The following SERP2 variants were observed in gnomAD, a reference collection of about 807,000 sequenced individuals.
SERP2 encodes the protein stress associated endoplasmic reticulum protein family member 2.
In SERP2, 6 loss-of-function variants were observed where a neutral mutation model predicts 9.1. The ratio of observed to expected loss-of-function variants is 0.66; its 90% CI spans 0.36 to 1.30. SERP2 has a LOEUF of 1.30. Among genes scored for constraint, SERP2 ranks in the 50% most tolerant of loss-of-function variants. The pLI is 0.03. For synonymous variants in SERP2, 37 were observed against 27.3 expected, an observed-to-expected ratio of 1.35 and a Z score of -1.10; for missense variants, 58 against 81.9, an observed-to-expected ratio of 0.71 and a Z score of 1.13.
In SERP2 at chr13:44,397,677, G is replaced by A. The variant is rs9595113; in HGVS notation, c.*365G>A. ...ATGGATACAATCTCTCCTCCATTGA[G>A]AATTGATTTTACAAATAAATGTCTT... On this transcript the variant is annotated 3_prime_UTR_variant, in exon 3 of 3. Coordinates refer to ENST00000379179, the MANE Select transcript of SERP2 (RefSeq NM_001010897.3). The A allele has an allele frequency of 0.024, 7,104 of 292,236 alleles. 452 individuals are homozygous for A. The highest frequency in any genetic ancestry group is 0.14 in the African/African-American group (6,514 of 45,196). The allele number at this position is 292,236 out of a possible 1,614,324, so 18.1% of individuals were successfully genotyped here.
intron 2 of SERP2, among the ~76,000 whole-genome samples, chr13:44,384,411 G>A (rs1039381178): frequency 6.6e-6 from 1 of 152,132 alleles, no homozygotes; most frequent in South Asian, 2.1e-4. Context: ...CTTTGCTTTA[G>A]GTAATTAGCT....
intron 1 of SERP2, among the ~76,000 whole-genome samples, chr13:44,378,624 A>G (rs572462356): frequency 6.7e-6 from 1 of 149,432 alleles, no homozygotes; most frequent in East Asian, 1.9e-4. Flanking sequence ...AATGCAGCCT[A>G]TTTTTCAAGC....
Position 44,397,532 on chromosome 13 carries a change from T to A in SERP2, c.*220T>A. On this transcript the variant is annotated 3_prime_UTR_variant, in exon 3 of 3. Transcript: ENST00000379179. ...CTCAAGCGGAAAGGACATTTTGCTT[T>A]TCTGTTGGCAGGATTAGTAGCCACG... 1 of 580,322 alleles carries A rather than the reference T, an allele frequency of 1.7e-6. No individual in the cohort carries two copies. Among genetic ancestry groups the A allele is most frequent in the African/African-American group, 1.9e-5 (1 of 53,414 alleles). 35.9% of individuals were successfully genotyped at this position (580,322 alleles called of 1,614,324 possible). A position where few individuals can be genotyped will look rare whatever the true frequency, so the allele number is the denominator to read the frequency against.
chr13:44,387,341 G>A (rs1163548439), intron 2 of SERP2, among the ~76,000 whole-genome samples: 3 of 152,172 alleles, frequency 2.0e-5, no homozygotes, highest in Non-Finnish European at 4.4e-5. Context: ...CCAATGCTTA[G>A]TGGGAAAGTG....
Position 44,397,686 on chromosome 13 carries a change from T to C in SERP2, c.*374T>C. 4 of 284,784 alleles carry C rather than the reference T, an allele frequency of 1.4e-5. No homozygotes were observed. The South Asian group carries it at 1.6e-4, about 12-fold the overall frequency. 17.6% of individuals were successfully genotyped at this position (284,784 alleles called of 1,614,324 possible). On this transcript the variant is annotated 3_prime_UTR_variant, in exon 3 of 3. Coordinates refer to ENST00000379179, the MANE Select transcript of SERP2 (RefSeq NM_001010897.3). ...ATCTCTCCTCCATTGAGAATTGATTTTACAAATAAATGTCTTCGTTCAACC... is the reference window on the plus strand; with the variant it reads ...ATCTCTCCTCCATTGAGAATTGATTCTACAAATAAATGTCTTCGTTCAACC...
chr13:44,374,093 A>G lies in SERP2; in HGVS notation c.68A>G (p.Asn23Ser), dbSNP rs765366799. 2 of 1,553,472 alleles carry G rather than the reference A, an allele frequency of 1.3e-6. No individual in the cohort carries two copies. Among genetic ancestry groups the G allele is most frequent in the East Asian group, 2.7e-5 (1 of 37,306 alleles). The change falls in exon 1 of 3, where the codon AAC becomes AGC. Residue 23 changes from asparagine (N) to serine (S), a missense_variant. By Grantham distance (46) the Asn-to-Ser change is conservative. Coordinates refer to ENST00000379179, the MANE Select transcript of SERP2 (RefSeq NM_001010897.3). Reference protein sequence around the residue: ...KHSKNITQRGNVAKTLRPQEE... With the variant: ...KHSKNITQRGSVAKTLRPQEE... ...AGCAAAAACATCACCCAGAGGGGGA[A>G]CGTAGCCAAAACCCTGGTAAGGCGG...
At chr13:44,395,227 T>C (rs929277255) in intron 2 of SERP2, among the ~76,000 whole-genome samples, 4 of 152,188 alleles carry the variant, frequency 2.6e-5, no homozygotes, top group Admixed American at 6.5e-5. Context: ...CTTGTGAGCC[T>C]TGGTGGGGAG....
At chr13:44,384,294 C>T (rs1872193667) in intron 2 of SERP2, among the ~76,000 whole-genome samples, 1 of 152,194 alleles carries the variant, frequency 6.6e-6, no homozygotes, top group Non-Finnish European at 1.5e-5. Flanking sequence ...CGACTATTCC[C>T]TCTAGAGTTT....
At chr13:44,387,077 T>C (rs1566092928) in intron 2 of SERP2, among the ~76,000 whole-genome samples, 1 of 152,180 alleles carries the variant, frequency 6.6e-6, no homozygotes, top group Non-Finnish European at 1.5e-5. Context: ...GAAGAATGCT[T>C]GCTTTTATCT....
intron 2 of SERP2, among the ~76,000 whole-genome samples, chr13:44,381,076 T>C (rs910321232): frequency 2.6e-5 from 4 of 152,018 alleles, no homozygotes; most frequent in Admixed American, 2.6e-4. Flanking sequence ...ATCTGCTCAA[T>C]GACTTTCTTA....
At chr13:44,392,024 G>A (rs1409978617) in intron 2 of SERP2, among the ~76,000 whole-genome samples, 10 of 151,104 alleles carry the variant, frequency 6.6e-5, no homozygotes, top group Non-Finnish European at 1.3e-4. Flanking sequence ...GTGAAACCCC[G>A]TCTCTATTAA....
chr13:44,390,455 G>A, intron 2 of SERP2: 1 of 456,686 alleles, frequency 2.2e-6, no homozygotes, highest in Non-Finnish European at 4.4e-6. Context: ...CGGCAACTGA[G>A]ATGTTTAAAG....
chr13:44,386,635 C>T (rs1243692265), intron 2 of SERP2, among the ~76,000 whole-genome samples: 1 of 152,254 alleles, frequency 6.6e-6, no homozygotes, highest in African/African-American at 2.4e-5. Context: ...CGGCCCTCCT[C>T]AGCCTCCCAA....
intron 2 of SERP2, among the ~76,000 whole-genome samples, chr13:44,386,261 T>C (rs1872309587): frequency 6.6e-6 from 1 of 152,240 alleles, no homozygotes; most frequent in Non-Finnish European, 1.5e-5. Context: ...ACCACTCTTT[T>C]GCTGTAAAAG....
At chr13:44,395,654 G>C in intron 2 of SERP2, 1 of 179,098 alleles carries the variant, frequency 5.6e-6, no homozygotes, top group South Asian at 9.0e-5. Context: ...ACTTAGCTAA[G>C]AAAATATCTG....
intron 2 of SERP2, among the ~76,000 whole-genome samples, chr13:44,392,818 C>T (rs1257754955): frequency 6.6e-6 from 1 of 152,060 alleles, no homozygotes; most frequent in East Asian, 1.9e-4. Context: ...TGTGCATCAT[C>T]AACAGCTAGG....
chr13:44,397,061 CCT>C (rs1873147101), intron 2 of SERP2, among the ~76,000 whole-genome samples: 1 of 152,196 alleles, frequency 6.6e-6, no homozygotes, highest in Non-Finnish European at 1.5e-5. Flanking sequence ...TCTATAAATC[CCT>C]GAGGCATCCA....
At chr13:44,376,729 C>A (rs1380968392) in intron 1 of SERP2, among the ~76,000 whole-genome samples, 2 of 151,726 alleles carry the variant, frequency 1.3e-5, no homozygotes, top group Non-Finnish European at 2.9e-5. Context: ...CAGCCGAGAT[C>A]ACGCCACCGC....
chr13:44,374,171 T>TGGGGGGG, intron 1 of SERP2, 62 bp downstream of exon 1: 1 of 94,474 alleles, frequency 1.1e-5, no homozygotes, highest in South Asian at 2.2e-4. Context: ...GGGCGGAAGG[T>TGGGGGGG]GGGGGCGGGG....
Sources: gnomAD v4.1 joint callset for allele counts (sites outside exome capture counted in the v4.1 genomes callset) on GRCh38, gnomAD v4.1.1 for gene constraint, MANE v1.5 for transcripts, NCBI Gene and HGNC (gene_info 2026-07-23, HGNC 2026-07-21) for gene names.